Variants in CACNG5 observed in about 807,000 individuals in gnomAD.
The protein encoded by CACNG5 is voltage-dependent calcium channel gamma-5 subunit.
In CACNG5, 18 loss-of-function variants were observed where a neutral mutation model predicts 24.8. That is an observed-to-expected ratio of 0.73 (90% CI 0.50 to 1.08). The LOEUF is 1.08. Among genes scored for constraint, CACNG5 ranks in the 50% least tolerant of loss-of-function variants. The pLI is 0.00. For missense variants in CACNG5, 349 were observed against 367.9 expected (o/e 0.95, Z 0.42); for synonymous variants, 157 against 149.1 (o/e 1.05, Z -0.39).
At chr17:66,843,511 A>C (rs1255099571) in intron 1 of CACNG5, among the ~76,000 whole-genome samples, 1 of 152,192 alleles carries the variant, frequency 6.6e-6, no homozygotes, top group Non-Finnish European at 1.5e-5. Context: ...ATTTGTAGAA[A>C]ATGACCTTAC....
At chr17:66,862,126 G>A (rs1232348807) in intron 1 of CACNG5, among the ~76,000 whole-genome samples, 2 of 152,268 alleles carry the variant, frequency 1.3e-5, no homozygotes, top group Middle Eastern at 3.4e-3. Flanking sequence ...ATGGCTGATG[G>A]TGGGTCCGGG....
At chr17:66,853,919 A>G (rs933377260) in intron 1 of CACNG5, among the ~76,000 whole-genome samples, 1 of 152,060 alleles carries the variant, frequency 6.6e-6, no homozygotes, top group African/African-American at 2.4e-5. Flanking sequence ...TCGAGTCCCT[A>G]AGTGCACCAA....
Position 66,891,461 on chromosome 17 carries a change from C to A in CACNG5, c.*6221C>A, listed in dbSNP as rs1445366072. Among the ~76,000 whole-genome samples the A allele has an allele frequency of 6.6e-6, 1 of 152,190 alleles. No homozygotes were observed. The highest frequency in any genetic ancestry group is 1.5e-5 in the Non-Finnish European group (1 of 68,038). On this transcript the variant is annotated 3_prime_UTR_variant, in exon 6 of 6. Transcript: ENST00000533854. ...GGCTGTCATTTCAAAGGCTTCCCTG[C>A]TCATTGGTGTGGCAATTGCATCCAC... is the stretch of plus-strand genomic sequence containing the variant.
chr17:66,873,048 G>A (rs1277261617), intron 1 of CACNG5, among the ~76,000 whole-genome samples: 2 of 152,068 alleles, frequency 1.3e-5, no homozygotes, highest in Non-Finnish European at 2.9e-5. Context: ...GCCAGCCTAC[G>A]GCTCACCTGT....
chr17:66,861,318 G>A (rs1270583402), intron 1 of CACNG5, among the ~76,000 whole-genome samples: 2 of 152,186 alleles, frequency 1.3e-5, no homozygotes, highest in Non-Finnish European at 1.5e-5. Context: ...GAAGACCTAC[G>A]TGCACTTACC....
intron 2 of CACNG5, 131 bp downstream of exon 2, chr17:66,877,659 C>T (rs562712035): frequency 1.4e-5 from 10 of 736,902 alleles, no homozygotes; most frequent in Middle Eastern, 3.7e-4. Context: ...CTATATATGG[C>T]GGGTGGTGCT....
intron 1 of CACNG5, among the ~76,000 whole-genome samples, chr17:66,848,808 C>T (rs953760127): frequency 3.3e-5 from 5 of 152,152 alleles, no homozygotes; most frequent in Non-Finnish European, 7.3e-5. Flanking sequence ...CTGACCTTGA[C>T]CTTGGGATTA....
chr17:66,878,826 G>T (rs1309142269), intron 2 of CACNG5, 146 bp from the exon 3 acceptor site: 12 of 625,928 alleles, frequency 1.9e-5, no homozygotes, highest in Non-Finnish European at 3.4e-5. Context: ...CCAGGGACAG[G>T]ACCCCCATAG....
At chr17:66,841,150 A>G (rs1302422470) in intron 1 of CACNG5, among the ~76,000 whole-genome samples, 1 of 152,204 alleles carries the variant, frequency 6.6e-6, no homozygotes, top group East Asian at 1.9e-4. Flanking sequence ...TGAGACACCA[A>G]TCAATATATG....
intron 1 of CACNG5, among the ~76,000 whole-genome samples, chr17:66,837,714 C>T (rs377518376): frequency 1.9e-4 from 29 of 152,186 alleles, no homozygotes; most frequent in African/African-American, 5.3e-4. Context: ...GCTTTCAGGG[C>T]CTTGGAGAGG....
intron 2 of CACNG5, among the ~76,000 whole-genome samples, chr17:66,877,952 G>A (rs1281849345): frequency 2.6e-5 from 4 of 152,192 alleles, no homozygotes; most frequent in Admixed American, 2.0e-4. Flanking sequence ...AAGATTCAAA[G>A]AGGTTAAGTC....
intron 1 of CACNG5, among the ~76,000 whole-genome samples, chr17:66,842,398 C>A (rs999322001): frequency 6.6e-6 from 1 of 152,160 alleles, no homozygotes; most frequent in Non-Finnish European, 1.5e-5. Context: ...GGAAACTTTA[C>A]AGATGAGAAG....
intron 3 of CACNG5, among the ~76,000 whole-genome samples, chr17:66,879,578 C>G (rs532865214): frequency 5.3e-5 from 8 of 152,124 alleles, no homozygotes; most frequent in Non-Finnish European, 1.0e-4. Context: ...TCACAGAACT[C>G]GGGCAAGTGC....
chr17:66,883,554 A>G (rs373166743), intron 4 of CACNG5, among the ~76,000 whole-genome samples: 1 of 152,236 alleles, frequency 6.6e-6, no homozygotes, highest in African/African-American at 2.4e-5. Context: ...GATAGAACTG[A>G]TGCCTGAGGC....
At chr17:66,847,842 C>T (rs1213532765) in intron 1 of CACNG5, among the ~76,000 whole-genome samples, 2 of 152,210 alleles carry the variant, frequency 1.3e-5, no homozygotes, top group Non-Finnish European at 1.5e-5. Flanking sequence ...CCTCACCTTG[C>T]TCTGCAGAAG....
At position 66,838,467 on chromosome 17, in the gene CACNG5, AG is replaced by A. The variant is rs200311697; in HGVS notation, c.-104+3219del. Among the ~76,000 whole-genome samples the A allele has an allele frequency of 5.1e-3, 779 of 151,810 alleles. 10 individuals carry two copies. The highest frequency in any genetic ancestry group is 0.018 in the African/African-American group (744 of 41,400). On this transcript the variant is annotated intron_variant, in intron 1 of 5. Coordinates refer to ENST00000533854, the MANE Select transcript of CACNG5 (RefSeq NM_145811.3). Reference sequence around the variant, plus strand: ...TCCCTGCTCACGGCAGCCCATGGCCAGGCTCCTTGTGGGGAGGAGAAGGCTG... The same window carrying A: ...TCCCTGCTCACGGCAGCCCATGGCCAGCTCCTTGTGGGGAGGAGAAGGCTG...
At chr17:66,862,387 C>T (rs1976875119) in intron 1 of CACNG5, among the ~76,000 whole-genome samples, 2 of 110,382 alleles carry the variant, frequency 1.8e-5, no homozygotes, top group African/African-American at 5.3e-5. Flanking sequence ...GTGTCACAAT[C>T]CAGCTTGTGT....
intron 1 of CACNG5, among the ~76,000 whole-genome samples, chr17:66,844,104 G>A (rs1471400912): frequency 6.6e-6 from 1 of 152,176 alleles, no homozygotes; most frequent in Non-Finnish European, 1.5e-5. Context: ...GGAGGTAGCA[G>A]GATGATAGAG....
chr17:66,852,406 CT>C (rs1291922958), intron 1 of CACNG5, among the ~76,000 whole-genome samples: 6 of 152,208 alleles, frequency 3.9e-5, no homozygotes, highest in South Asian at 4.2e-4. Flanking sequence ...TATATATCAC[CT>C]CCCATTTCTC....
Sources: gnomAD v4.1 joint callset for allele counts (sites outside exome capture counted in the v4.1 genomes callset) on GRCh38, gnomAD v4.1.1 for gene constraint, MANE v1.5 for transcripts, NCBI Gene and HGNC (gene_info 2026-07-23, HGNC 2026-07-21) for gene names.